Variants in LRMDA observed in about 807,000 individuals in gnomAD.
The protein encoded by LRMDA is leucine rich melanocyte differentiation associated.
In LRMDA, 18 loss-of-function variants were observed where a neutral mutation model predicts 29.8. That is an observed-to-expected ratio of 0.60 (90% CI 0.42 to 0.90). The LOEUF (loss-of-function observed/expected upper bound fraction) is 0.90, where lower values mean the gene tolerates loss of function less well. Ranked by LOEUF, LRMDA falls within the 40% of genes least tolerant of loss-of-function variation. LRMDA has a pLI of 0.00. For missense variants in LRMDA, 273 were observed against 273.9 expected (o/e 1.00, Z 0.02); for synonymous variants, 125 against 109.4 (o/e 1.14, Z -0.89).
At chr10:76,064,857 A>T (rs1223167842) in intron 5 of LRMDA, among the ~76,000 whole-genome samples, 1 of 152,258 alleles carries the variant, frequency 6.6e-6, no homozygotes, top group East Asian at 1.9e-4. Context: ...AACATTCAAA[A>T]AATAATTTAA....
At chr10:76,426,816 C>T (rs977250578) in intron 6 of LRMDA, among the ~76,000 whole-genome samples, 1 of 152,210 alleles carries the variant, frequency 6.6e-6, no homozygotes. Context: ...CAGCTTTCTA[C>T]ATATGGCTAG....
intron 2 of LRMDA, among the ~76,000 whole-genome samples, chr10:75,938,464 A>G (rs187423730): frequency 1.3e-5 from 2 of 152,336 alleles, no homozygotes; most frequent in Admixed American, 1.3e-4. Flanking sequence ...TGCCCGAACC[A>G]TGCTTTGCAA....
intron 6 of LRMDA, among the ~76,000 whole-genome samples, chr10:76,431,250 T>C (rs1326137917): frequency 6.6e-6 from 1 of 152,170 alleles, no homozygotes; most frequent in Non-Finnish European, 1.5e-5. Flanking sequence ...ATTTACGTGT[T>C]TGAGGCGGGC....
intron 2 of LRMDA, among the ~76,000 whole-genome samples, chr10:75,761,762 A>G (rs1263219394): frequency 1.3e-5 from 2 of 151,592 alleles, no homozygotes; most frequent in African/African-American, 4.8e-5. Flanking sequence ...CCTAAGAAAG[A>G]TACAAATTCC....
chr10:76,427,222 T>C (rs1275648069), intron 6 of LRMDA, among the ~76,000 whole-genome samples: 1 of 150,622 alleles, frequency 6.6e-6, no homozygotes, highest in Non-Finnish European at 1.5e-5. Context: ...AATTTTATTC[T>C]TCCTATCCAT....
rs770390344 is a variant in LRMDA, at chr10:76,036,063, A to G, written c.187A>G (p.Asn63Asp). The change falls in exon 3 of 7, where the codon AAT (asparagine) becomes GAT (aspartate). Residue 63 changes from asparagine (N) to aspartate (D), a missense_variant. Asn to Asp is a conservative substitution (Grantham distance 23). Transcript: ENST00000611255. ...CCTGGAGGAACTCATCTTGGACAAC[A>G]ATCAGCTGGGGGACGACCTTGTGTT... Reference protein sequence around the residue: ...RSLEELILDNNQLGDDLVLPG... With the variant: ...RSLEELILDNDQLGDDLVLPG... 2 of 1,614,100 alleles carry G rather than the reference A, an allele frequency of 1.2e-6. No individual in the cohort carries two copies. The highest frequency in any genetic ancestry group is 1.7e-6 in the Non-Finnish European group (2 of 1,180,022).
At chr10:75,776,606 T>C (rs16932635) in intron 2 of LRMDA, among the ~76,000 whole-genome samples, 10,797 of 152,272 alleles carry the variant, frequency 0.071, 965 homozygotes, top group East Asian at 0.46. Context: ...TTACCAGAGA[T>C]TGGTTCCCCT....
intron 2 of LRMDA, among the ~76,000 whole-genome samples, chr10:75,802,196 C>T (rs1004368648): frequency 4.6e-5 from 7 of 151,620 alleles, no homozygotes; most frequent in Admixed American, 6.6e-5. Context: ...CGTGTACCTG[C>T]GATCCTAGCT....
At chr10:76,248,678 G>C (rs1852419948) in intron 5 of LRMDA, among the ~76,000 whole-genome samples, 1 of 152,124 alleles carries the variant, frequency 6.6e-6, no homozygotes. Context: ...TTTTGCTTAT[G>C]GACCACAAAG....
At chr10:76,275,176 A>G (rs1359246681) in intron 5 of LRMDA, among the ~76,000 whole-genome samples, 3 of 152,104 alleles carry the variant, frequency 2.0e-5, no homozygotes, top group Non-Finnish European at 4.4e-5. Context: ...ACATATATAT[A>G]GAAATATTTC....
intron 2 of LRMDA, among the ~76,000 whole-genome samples, chr10:75,929,307 G>GTGTGTGTGTGTC (rs1324331127): frequency 1.3e-4 from 20 of 152,138 alleles, no homozygotes; most frequent in African/African-American, 4.8e-4. Flanking sequence ...GTGTGTGTGT[G>GTGTGTGTGTGTC]TGTGTGTAAA....
At chr10:76,369,221 A>C (rs1841426061) in intron 6 of LRMDA, among the ~76,000 whole-genome samples, 2 of 152,142 alleles carry the variant, frequency 1.3e-5, no homozygotes, top group African/African-American at 4.8e-5. Context: ...TGTGTGATTT[A>C]TGCTTTAAAG....
intron 2 of LRMDA, among the ~76,000 whole-genome samples, chr10:75,838,390 T>G (rs1212799249): frequency 6.6e-6 from 1 of 152,352 alleles, no homozygotes; most frequent in African/African-American, 2.4e-5. Flanking sequence ...TTTTTCTTGC[T>G]TTTCATGCTT....
chr10:75,618,511 T>A (rs1841138242), intron 2 of LRMDA, among the ~76,000 whole-genome samples: 1 of 141,396 alleles, frequency 7.1e-6, no homozygotes, highest in East Asian at 2.0e-4. Flanking sequence ...ACCATATATA[T>A]TATATATATA....
chr10:75,727,945 A>AT (rs1212252232), intron 2 of LRMDA, among the ~76,000 whole-genome samples: 4 of 152,068 alleles, frequency 2.6e-5, no homozygotes, highest in South Asian at 2.1e-4. Flanking sequence ...GCCATCTTTG[A>AT]TTTTTTTCCC....
chr10:76,423,272 C>T (rs1564537210), intron 6 of LRMDA, among the ~76,000 whole-genome samples: 1 of 152,204 alleles, frequency 6.6e-6, no homozygotes, highest in East Asian at 1.9e-4. Context: ...GTGCACACCT[C>T]AGTCCCAGCT....
chr10:76,075,490 C>T (rs1454574275), intron 5 of LRMDA, among the ~76,000 whole-genome samples: 1 of 152,222 alleles, frequency 6.6e-6, no homozygotes, highest in Admixed American at 6.5e-5. Context: ...TTATTTAAGC[C>T]ACCCAATCAA....
At chr10:75,773,969 T>A (rs1843275945) in intron 2 of LRMDA, among the ~76,000 whole-genome samples, 1 of 152,200 alleles carries the variant, frequency 6.6e-6, no homozygotes, top group African/African-American at 2.4e-5. Flanking sequence ...TTAGTCTGTA[T>A]CATTCTTTTA....
chr10:75,947,709 ACTTGGTCAGTG>A (rs1001811175), intron 2 of LRMDA, among the ~76,000 whole-genome samples: 2 of 152,226 alleles, frequency 1.3e-5, no homozygotes, highest in Admixed American at 6.5e-5. Flanking sequence ...ATGCAAAAGT[ACTTGGTCAGTG>A]CTTGGCACAT....
Sources: gnomAD v4.1 joint callset for allele counts (sites outside exome capture counted in the v4.1 genomes callset) on GRCh38, gnomAD v4.1.1 for gene constraint, MANE v1.5 for transcripts, NCBI Gene and HGNC (gene_info 2026-07-23, HGNC 2026-07-21) for gene names.